The following LAMA2 variants were observed in gnomAD, a reference collection of about 807,000 sequenced individuals.
LAMA2 encodes the protein laminin subunit alpha-2.
LAMA2 carries 269 observed loss-of-function variants against 364.8 expected under a neutral mutation model. That is an observed-to-expected ratio of 0.74 (90% CI 0.67 to 0.82). LAMA2 has a LOEUF of 0.82. Ranked by LOEUF, LAMA2 falls within the 40% of genes least tolerant of loss-of-function variation. The pLI is 0.00. For synonymous variants in LAMA2, 1,379 were observed against 1,370.6 expected, an observed-to-expected ratio of 1.01 and a Z score of -0.14; for missense variants, 3,807 against 3,873.2, an observed-to-expected ratio of 0.98 and a Z score of 0.45.
chr6:129,315,745 T>C lies in LAMA2; in HGVS notation c.3736-17T>C, dbSNP rs1225053652. ...GGAGATTTATCCAATTCCTCATTCTTCTTTTTATTTTGTCAGTTGATGGCC... is the reference window on the plus strand; with the variant it reads ...GGAGATTTATCCAATTCCTCATTCTCCTTTTTATTTTGTCAGTTGATGGCC... On this transcript the variant is annotated splice_polypyrimidine_tract_variant and intron_variant, in intron 25 of 64. Coordinates refer to ENST00000421865, the MANE Select transcript of LAMA2 (RefSeq NM_000426.4). 4 of 1,613,752 alleles carry C rather than the reference T, an allele frequency of 2.5e-6. No homozygotes were observed. In the East Asian group the frequency reaches 8.9e-5, roughly 36 times the overall value.
intron 1 of LAMA2, among the ~76,000 whole-genome samples, chr6:128,969,177 G>C (rs1431690995): frequency 6.6e-6 from 1 of 152,126 alleles, no homozygotes; most frequent in Non-Finnish European, 1.5e-5. Context: ...TAATATAACA[G>C]GAGGGAAGAT....
chr6:129,433,055 A>G (rs1225467067), intron 41 of LAMA2, among the ~76,000 whole-genome samples: 1 of 152,194 alleles, frequency 6.6e-6, no homozygotes, highest in African/African-American at 2.4e-5. Flanking sequence ...TCTAGTATGT[A>G]TGTCTGTCTG....
At chr6:129,434,794 ATTC>A (rs1562561031) in intron 41 of LAMA2, among the ~76,000 whole-genome samples, 1 of 152,080 alleles carries the variant, frequency 6.6e-6, no homozygotes, top group East Asian at 1.9e-4. Flanking sequence ...GAAATCTGCA[ATTC>A]TTCTCTGAAT....
At chr6:129,260,122 T>C (rs568898460) in intron 14 of LAMA2, among the ~76,000 whole-genome samples, 1 of 152,194 alleles carries the variant, frequency 6.6e-6, no homozygotes, top group Non-Finnish European at 1.5e-5. Context: ...ATGAAGGCCA[T>C]AGATACAGAG....
At chr6:129,024,246 A>T (rs889979023) in intron 1 of LAMA2, among the ~76,000 whole-genome samples, 1 of 151,954 alleles carries the variant, frequency 6.6e-6, no homozygotes, top group Non-Finnish European at 1.5e-5. Context: ...TGTGGGATAA[A>T]TGAGTCAAAT....
intron 1 of LAMA2, among the ~76,000 whole-genome samples, chr6:128,923,979 T>G (rs1778920733): frequency 6.6e-6 from 1 of 152,112 alleles, no homozygotes; most frequent in South Asian, 2.1e-4. Flanking sequence ...CTGCTCCACA[T>G]TTTTACAATC....
chr6:129,359,360 G>C (rs1329427228), intron 32 of LAMA2, among the ~76,000 whole-genome samples: 3 of 150,380 alleles, frequency 2.0e-5, no homozygotes, highest in African/African-American at 7.3e-5. Context: ...TCGTTACTTG[G>C]TATGTCGACA....
chr6:129,175,124 T>A (rs903425685), intron 9 of LAMA2, among the ~76,000 whole-genome samples: 13 of 152,246 alleles, frequency 8.5e-5, no homozygotes, highest in African/African-American at 2.9e-4. Context: ...ACGAACTTAC[T>A]AATATCAAAC....
chr6:128,963,477 G>A (rs945034579), intron 1 of LAMA2, among the ~76,000 whole-genome samples: 54 of 151,912 alleles, frequency 3.6e-4, no homozygotes, highest in African/African-American at 1.2e-3. Flanking sequence ...TTCACATCTG[G>A]CTATCTTTAG....
At chr6:128,962,781 T>A (rs1781614623) in intron 1 of LAMA2, among the ~76,000 whole-genome samples, 1 of 152,172 alleles carries the variant, frequency 6.6e-6, no homozygotes, top group African/African-American at 2.4e-5. Flanking sequence ...ATCTTATGCA[T>A]GTATTTCTTT....
intron 28 of LAMA2, among the ~76,000 whole-genome samples, chr6:129,321,033 G>A (rs977471329): frequency 2.2e-4 from 34 of 152,118 alleles, no homozygotes; most frequent in Admixed American, 1.9e-3. Flanking sequence ...TATAGAACAC[G>A]ACAAAACTTG....
chr6:128,930,431 T>A (rs1291854800), intron 1 of LAMA2, among the ~76,000 whole-genome samples: 1 of 152,190 alleles, frequency 6.6e-6, no homozygotes, highest in Non-Finnish European at 1.5e-5. Context: ...AGAACTGACA[T>A]GCTTTACTCT....
chr6:129,344,157 T>A (rs952245909), intron 30 of LAMA2, among the ~76,000 whole-genome samples: 2 of 152,220 alleles, frequency 1.3e-5, no homozygotes, highest in African/African-American at 4.8e-5. Flanking sequence ...TTAGGAAAAC[T>A]ATTATCATAG....
Position 129,402,328 on chromosome 6 carries a change from TTGA to T in LAMA2, c.5568_5570del (p.Glu1857del). ...GCCCTCTTCTCTACATATCAGTATG[TTGA>T]AGACATCCAAACTAAATTGCCACCT... On this transcript the variant is annotated inframe_deletion, in exon 39 of 65. Transcript: ENST00000421865. 1 of 1,613,460 alleles carries T rather than the reference TTGA, an allele frequency of 6.2e-7. No homozygotes were observed. The highest frequency in any genetic ancestry group is 8.5e-7 in the Non-Finnish European group (1 of 1,179,454).
At chr6:128,923,920 C>G (rs2114495521) in intron 1 of LAMA2, among the ~76,000 whole-genome samples, 1 of 152,212 alleles carries the variant, frequency 6.6e-6, no homozygotes, top group East Asian at 1.9e-4. Context: ...GAGTGGGGAG[C>G]TGGCACCTAG....
intron 4 of LAMA2, among the ~76,000 whole-genome samples, chr6:129,142,485 A>G (rs995911629): frequency 9.2e-5 from 14 of 151,950 alleles, no homozygotes; most frequent in African/African-American, 3.1e-4. Context: ...CTTGCCCCCA[A>G]ATATCATCAC....
intron 55 of LAMA2, among the ~76,000 whole-genome samples, chr6:129,482,366 G>T (rs1011854389): frequency 5.3e-5 from 8 of 152,046 alleles, no homozygotes; most frequent in African/African-American, 1.9e-4. Flanking sequence ...TCCCTCAACT[G>T]CCCAGATTTA....
At chr6:129,067,386 T>A (rs7738996) in intron 3 of LAMA2, among the ~76,000 whole-genome samples, 145,006 of 152,310 alleles carry the variant, frequency 0.95, 69,109 homozygotes, top group East Asian at 0.97. Flanking sequence ...TCCCTTTAAA[T>A]GAATTTGTGC....
At chr6:129,469,459 C>A (rs1783701594) in intron 51 of LAMA2, among the ~76,000 whole-genome samples, 1 of 151,834 alleles carries the variant, frequency 6.6e-6, no homozygotes, top group Non-Finnish European at 1.5e-5. Flanking sequence ...TCAGTACTGG[C>A]AGAAGGTGGA....
Sources: gnomAD v4.1 joint callset for allele counts (sites outside exome capture counted in the v4.1 genomes callset) on GRCh38, gnomAD v4.1.1 for gene constraint, MANE v1.5 for transcripts, NCBI Gene and HGNC (gene_info 2026-07-23, HGNC 2026-07-21) for gene names.